Variants in ARHGAP21 observed in about 807,000 individuals in gnomAD.
The protein encoded by ARHGAP21 is Rho GTPase activating protein 21, also known as rho GTPase-activating protein 21.
ARHGAP21 carries 38 observed loss-of-function variants against 164.6 expected under a neutral mutation model. The observed-to-expected ratio is 0.23, with a 90% confidence interval of 0.18 to 0.30. The LOEUF is 0.30. Among genes scored for constraint, ARHGAP21 ranks in the 10% least tolerant of loss-of-function variants. The pLI, the probability that ARHGAP21 is intolerant of heterozygous loss-of-function variation, is 1.00. For synonymous variants in ARHGAP21, 766 were observed against 857.9 expected (o/e 0.89, Z 1.87); for missense variants, 1,822 against 2,370.7 (o/e 0.77, Z 4.81).
chr10:24,703,638 A>G (rs557259097), intron 2 of ARHGAP21, among the ~76,000 whole-genome samples: 5 of 152,316 alleles, frequency 3.3e-5, no homozygotes, highest in Non-Finnish European at 7.3e-5. Flanking sequence ...TCAGTATGCA[A>G]CCTGAGAAAC....
intron 5 of ARHGAP21, among the ~76,000 whole-genome samples, chr10:24,633,918 A>AGT (rs1266406402): frequency 9.2e-6 from 1 of 108,522 alleles, no homozygotes; most frequent in African/African-American, 3.6e-5. Context: ...TTTGAGACAG[A>AGT]GTCTCACTCT....
At chr10:24,711,162 AAGAG>A (rs1407927269) in intron 2 of ARHGAP21, among the ~76,000 whole-genome samples, 1 of 150,764 alleles carries the variant, frequency 6.6e-6, no homozygotes, top group South Asian at 2.1e-4. Flanking sequence ...GGGAGGGAAA[AAGAG>A]AAAGAAAGAG....
intron 4 of ARHGAP21, among the ~76,000 whole-genome samples, chr10:24,664,934 G>A (rs187997019): frequency 1.3e-3 from 191 of 152,092 alleles, no homozygotes; most frequent in African/African-American, 4.3e-3. Flanking sequence ...AGCGAACTAC[G>A]TCAGACACAT....
In ARHGAP21 at chr10:24,722,123, A is replaced by T; in HGVS notation, c.-224T>A. Reference sequence around the variant, plus strand: ...TCAACTGACTTCGCCTTCTTCTTCCATTTCTGGAGACTTAAAAACAAAGGC... The same window carrying T: ...TCAACTGACTTCGCCTTCTTCTTCCTTTTCTGGAGACTTAAAAACAAAGGC... On this transcript the variant is annotated 5_prime_UTR_variant, in exon 2 of 26. An upstream start codon of the reference 5' UTR is lost. Transcript: ENST00000396432. The T allele has an allele frequency of 1.7e-6, 1 of 579,574 alleles. No individual in the cohort carries two copies. Among genetic ancestry groups the T allele is most frequent in the South Asian group, 2.0e-5 (1 of 49,530 alleles). 35.9% of individuals were successfully genotyped at this position (579,574 alleles called of 1,614,324 possible).
chr10:24,631,769 G>T (rs1257813434), intron 6 of ARHGAP21, among the ~76,000 whole-genome samples: 1 of 152,172 alleles, frequency 6.6e-6, no homozygotes, highest in Non-Finnish European at 1.5e-5. Flanking sequence ...TCAGGCTAGA[G>T]TGCAGTGGCT....
At chr10:24,607,393 A>G (rs2077072205) in intron 11 of ARHGAP21, 106 bp downstream of exon 11, 5 of 943,460 alleles carry the variant, frequency 5.3e-6, no homozygotes, top group Non-Finnish European at 8.0e-6. Flanking sequence ...TTCTAATGTC[A>G]AAGTTAGAAA....
intron 4 of ARHGAP21, among the ~76,000 whole-genome samples, chr10:24,659,100 G>C (rs1481459877): frequency 6.6e-6 from 1 of 152,176 alleles, no homozygotes; most frequent in African/African-American, 2.4e-5. Flanking sequence ...ACATAGAAAT[G>C]GTATAGCCAC....
At chr10:24,599,258 T>C (rs987521565) in intron 14 of ARHGAP21, among the ~76,000 whole-genome samples, 3 of 152,240 alleles carry the variant, frequency 2.0e-5, no homozygotes, top group African/African-American at 7.2e-5. Flanking sequence ...GCCTGACACA[T>C]AGTAGGTGCC....
At chr10:24,695,475 A>G (rs2132059742) in intron 2 of ARHGAP21, among the ~76,000 whole-genome samples, 1 of 152,112 alleles carries the variant, frequency 6.6e-6, no homozygotes, top group South Asian at 2.1e-4. Context: ...AGGCTGAGGC[A>G]TGAGAATCAC....
chr10:24,645,318 T>C (rs1430083882), intron 4 of ARHGAP21, among the ~76,000 whole-genome samples: 2 of 152,128 alleles, frequency 1.3e-5, no homozygotes, highest in East Asian at 3.9e-4. Context: ...TGGTGGCTCA[T>C]ATCTGTAATC....
chr10:24,676,309 T>C (rs1253979123), intron 2 of ARHGAP21, among the ~76,000 whole-genome samples: 13 of 152,250 alleles, frequency 8.5e-5, no homozygotes. Context: ...TTGTAGGTTC[T>C]GAGTGTACAT....
chr10:24,594,936 A>G lies in ARHGAP21; in HGVS notation c.3876+14T>C. The stretch of plus-strand genomic sequence containing the variant: ...CCACTAAAAGTACATTTCTTCAATA[A>G]GCATTTTACATACCTTATTTTTTTC... On this transcript the variant is annotated intron_variant, in intron 21 of 25. Coordinates refer to ENST00000396432, the MANE Select transcript of ARHGAP21 (RefSeq NM_020824.4). The G allele has an allele frequency of 6.3e-7, 1 of 1,579,428 alleles. No individual in the cohort carries two copies. The highest frequency in any genetic ancestry group is 1.1e-5 in the South Asian group (1 of 88,696).
chr10:24,661,425 G>C (rs1839684345), intron 4 of ARHGAP21, among the ~76,000 whole-genome samples: 3 of 152,180 alleles, frequency 2.0e-5, no homozygotes, highest in African/African-American at 7.2e-5. Context: ...AAATGGCTCG[G>C]TATTTCTTGG....
chr10:24,628,983 T>TATATATATATA (rs58780222), intron 7 of ARHGAP21: 41 of 11,174 alleles, frequency 3.7e-3, no homozygotes, highest in South Asian at 7.6e-3. Context: ...TATATATATA[T>TATATATATATA]TTTTTTTTTT....
intron 2 of ARHGAP21, among the ~76,000 whole-genome samples, chr10:24,695,184 C>T (rs1323610423): frequency 6.6e-6 from 1 of 151,368 alleles, no homozygotes; most frequent in African/African-American, 2.4e-5. Flanking sequence ...AAAAGAAAAC[C>T]GTGATTCCCA....
At position 24,633,472 on chromosome 10, in the gene ARHGAP21, T is replaced by A. The variant is rs1302392032; in HGVS notation, c.370A>T (p.Ile124Phe). ...FEAGLCTGDR[I>F]IKVNGESVIG... ...ACACTTTCTCCATTGACTTTTATAA[T>A]TCGGTCACCTTCAAAGAGAAGTTAA... Residue 124 changes from isoleucine to phenylalanine, a missense_variant, in exon 6 of 26, where the codon ATT (isoleucine) becomes TTT (phenylalanine). Around this residue, in one of 5 missense-constraint regions of ARHGAP21, gnomAD observed 1,090 missense variants for 1,378.9 expected, o/e 0.79. Transcript: ENST00000396432. 1 of 1,609,598 alleles carries A rather than the reference T, an allele frequency of 6.2e-7. No individual in the cohort carries two copies. Among genetic ancestry groups the A allele is most frequent in the East Asian group, 2.2e-5 (1 of 44,742 alleles).
chr10:24,657,671 T>C (rs965689195), intron 4 of ARHGAP21, among the ~76,000 whole-genome samples: 12 of 97,452 alleles, frequency 1.2e-4, no homozygotes, highest in Non-Finnish European at 2.0e-5. Flanking sequence ...TAGAAAGAAG[T>C]AGACATGGGA....
At chr10:24,680,492 G>A (rs981403316) in intron 2 of ARHGAP21, among the ~76,000 whole-genome samples, 2 of 151,808 alleles carry the variant, frequency 1.3e-5, no homozygotes, top group African/African-American at 2.4e-5. Flanking sequence ...TGTTTTACTG[G>A]GCTCTTTACA....
intron 24 of ARHGAP21, chr10:24,590,513 G>A (rs1487221845): frequency 1.3e-5 from 20 of 1,531,030 alleles, no homozygotes; most frequent in Non-Finnish European, 1.6e-5. Context: ...GCCTGTGTCA[G>A]TAAGAGCTGA....
Sources: gnomAD v4.1 joint callset for allele counts (sites outside exome capture counted in the v4.1 genomes callset) on GRCh38, gnomAD v4.1.1 for gene constraint, gnomAD v4.1.1 regional missense constraint, MANE v1.5 for transcripts, NCBI Gene and HGNC (gene_info 2026-07-23, HGNC 2026-07-21) for gene names.